The following RFTN2 variants were observed in gnomAD, a reference collection of about 807,000 sequenced individuals.
RFTN2 encodes raftlin family member 2, also known as raftlin-2.
Under a neutral mutation model 52.7 loss-of-function variants are expected in RFTN2, and 34 were observed. That is an observed-to-expected ratio of 0.64 (90% confidence interval 0.49 to 0.86). The LOEUF (loss-of-function observed/expected upper bound fraction) is 0.86. Ranked by LOEUF, RFTN2 falls within the 40% of genes least tolerant of loss-of-function variation. The probability of loss-of-function intolerance (pLI) is 0.00; values close to 1 mark genes in which losing one functional copy is unlikely to be tolerated. For synonymous variants in RFTN2, 203 were observed against 217.7 expected (o/e 0.93, Z 0.59); for missense variants, 536 against 600.1 (o/e 0.89, Z 1.12).
chr2:197,608,310 AT>A (rs753519789), intron 7 of RFTN2, among the ~76,000 whole-genome samples: 8,573 of 132,186 alleles, frequency 0.065, 709 homozygotes, highest in African/African-American at 0.22. Flanking sequence ...TAGGGACCAG[AT>A]TTTTTTTTTT....
chr2:197,639,957 C>G lies in RFTN2; in HGVS notation c.438+4201G>C, dbSNP rs1246234911. The stretch of plus-strand genomic sequence containing the variant: ...TTCTGTTTGTTAGTTTTCCTTCTAA[C>G]AGACAGGACCCTCAGATGCAGGTCT... On this transcript the variant is annotated intron_variant, in intron 3 of 8. Transcript: ENST00000295049. 6.6e-5 allele frequency among the ~76,000 whole-genome samples: 10 copies of G among 151,984 alleles called. No homozygotes were observed. The South Asian group carries it at 1.9e-3, about 28-fold the overall frequency.
chr2:197,584,609 G>A (rs1644270867), intron 8 of RFTN2, among the ~76,000 whole-genome samples: 1 of 152,162 alleles, frequency 6.6e-6, no homozygotes, highest in Non-Finnish European at 1.5e-5. Flanking sequence ...AAGCTCTTTA[G>A]TTTAATTAGA....
intron 8 of RFTN2, among the ~76,000 whole-genome samples, chr2:197,585,855 A>C (rs1227176733): frequency 6.6e-6 from 1 of 151,892 alleles, no homozygotes; most frequent in Non-Finnish European, 1.5e-5. Flanking sequence ...CCTCCTCCGC[A>C]CTTACTTAAA....
chr2:197,659,626 T>A (rs2088948223), intron 1 of RFTN2, among the ~76,000 whole-genome samples: 1 of 152,132 alleles, frequency 6.6e-6, no homozygotes, highest in Non-Finnish European at 1.5e-5. Flanking sequence ...AAGACTATCC[T>A]GGCCAACATG....
chr2:197,618,798 CCTT>C (rs1309523246), intron 5 of RFTN2, among the ~76,000 whole-genome samples: 3 of 150,374 alleles, frequency 2.0e-5, no homozygotes, highest in Admixed American at 2.0e-4. Flanking sequence ...AGTGAGGAGA[CCTT>C]CTGCCTGGCA....
At chr2:197,637,273 T>G (rs1037696923) in intron 3 of RFTN2, among the ~76,000 whole-genome samples, 2 of 152,082 alleles carry the variant, frequency 1.3e-5, no homozygotes, top group African/African-American at 4.8e-5. Context: ...TTAGGGAGGA[T>G]TCCCTCTTTT....
intron 1 of RFTN2, among the ~76,000 whole-genome samples, chr2:197,666,443 AG>A (rs1262039858): frequency 6.6e-6 from 1 of 152,128 alleles, no homozygotes. Context: ...TTTTTCTTTG[AG>A]CACTTTGAAC....
chr2:197,633,292 A>G (rs1304078798), intron 4 of RFTN2, among the ~76,000 whole-genome samples: 1 of 152,238 alleles, frequency 6.6e-6, no homozygotes, highest in African/African-American at 2.4e-5. Context: ...AAGAAAGCCA[A>G]TTAATTTCAA....
At chr2:197,631,396 A>T (rs1051740585) in intron 4 of RFTN2, among the ~76,000 whole-genome samples, 176 bp from the exon 5 acceptor site, 1 of 152,214 alleles carries the variant, frequency 6.6e-6, no homozygotes, top group African/African-American at 2.4e-5. Context: ...TGAGAAATGG[A>T]TACGGTTGAG....
chr2:197,602,963 T>G (rs1272299782), intron 7 of RFTN2, among the ~76,000 whole-genome samples: 1 of 152,260 alleles, frequency 6.6e-6, no homozygotes, highest in African/African-American at 2.4e-5. Flanking sequence ...CTCAGCAAAC[T>G]ATCACAAGGA....
At chr2:197,587,821 C>G (rs1205463990) in intron 8 of RFTN2, among the ~76,000 whole-genome samples, 1 of 152,188 alleles carries the variant, frequency 6.6e-6, no homozygotes, top group Non-Finnish European at 1.5e-5. Flanking sequence ...ACAAACCAAA[C>G]TGTGATGTTC....
chr2:197,572,588 A>T (rs937579357), intron 8 of RFTN2, among the ~76,000 whole-genome samples: 3 of 152,190 alleles, frequency 2.0e-5, no homozygotes, highest in Admixed American at 6.5e-5. Flanking sequence ...ATTTGTTGAA[A>T]TCATACTTTG....
chr2:197,611,203 G>T (rs2088053573), intron 7 of RFTN2, among the ~76,000 whole-genome samples: 1 of 152,154 alleles, frequency 6.6e-6, no homozygotes, highest in African/African-American at 2.4e-5. Flanking sequence ...GCTCCTCTTT[G>T]TACCTCTGGT....
intron 1 of RFTN2, among the ~76,000 whole-genome samples, chr2:197,656,742 G>A (rs1371706521): frequency 6.6e-6 from 1 of 152,158 alleles, no homozygotes; most frequent in Non-Finnish European, 1.5e-5. Context: ...CAGAAATCTT[G>A]AACTCATGCT....
chr2:197,597,962 G>C (rs1270514274), intron 7 of RFTN2, among the ~76,000 whole-genome samples: 1 of 152,158 alleles, frequency 6.6e-6, no homozygotes, highest in Non-Finnish European at 1.5e-5. Flanking sequence ...GTGAAATATA[G>C]GGTGCAGTTA....
intron 1 of RFTN2, among the ~76,000 whole-genome samples, chr2:197,650,358 A>G (rs1258277668): frequency 6.6e-6 from 1 of 152,204 alleles, no homozygotes; most frequent in African/African-American, 2.4e-5. Flanking sequence ...CTCATATAAG[A>G]GGAATCATAT....
intron 8 of RFTN2, 63 bp downstream of exon 8, chr2:197,595,927 TG>T: frequency 1.8e-6 from 2 of 1,106,376 alleles, no homozygotes; most frequent in South Asian, 2.6e-5. Context: ...GGAATTACAA[TG>T]AGAGTTTAAG....
At chr2:197,587,462 A>T (rs534811454) in intron 8 of RFTN2, among the ~76,000 whole-genome samples, 5 of 152,268 alleles carry the variant, frequency 3.3e-5, no homozygotes, top group Admixed American at 1.3e-4. Context: ...CCTTAACTGA[A>T]GACATTACCT....
intron 4 of RFTN2, among the ~76,000 whole-genome samples, 182 bp downstream of exon 4, chr2:197,633,536 A>G (rs79478046): frequency 0.024 from 3,634 of 152,262 alleles, 139 homozygotes; most frequent in African/African-American, 0.083. Flanking sequence ...ACAACTGTCT[A>G]AAAAACTGCC....
Sources: gnomAD v4.1 joint callset for allele counts (sites outside exome capture counted in the v4.1 genomes callset) on GRCh38, gnomAD v4.1.1 for gene constraint, MANE v1.5 for transcripts, NCBI Gene and HGNC (gene_info 2026-07-23, HGNC 2026-07-21) for gene names.